Variants in AFF1 observed in about 807,000 individuals in gnomAD.
AFF1 encodes the protein ALF transcription elongation factor 1.
In AFF1, 48 loss-of-function variants were observed where a neutral mutation model predicts 121.7. The ratio of observed to expected loss-of-function variants is 0.39; its 90% CI spans 0.31 to 0.50. The LOEUF (loss-of-function observed/expected upper bound fraction) is 0.50, where lower values mean the gene tolerates loss of function less well. AFF1 is among the 20% of genes least tolerant of loss of function. The probability of loss-of-function intolerance (pLI) is 0.76; values close to 1 mark genes in which losing one functional copy is unlikely to be tolerated. For synonymous variants in AFF1, 613 were observed against 563.0 expected (o/e 1.09, Z -1.26); for missense variants, 1,523 against 1,511.7 (o/e 1.01, Z -0.12).
At chr4:87,034,668 G>GT (rs1729389574) in intron 2 of AFF1, among the ~76,000 whole-genome samples, 1 of 152,216 alleles carries the variant, frequency 6.6e-6, no homozygotes, top group South Asian at 2.1e-4. Flanking sequence ...AATAAAACAT[G>GT]TAACATTAAC....
chr4:87,060,306 A>G lies in AFF1; in HGVS notation c.1059+12712A>G, dbSNP rs912156795. Among the ~76,000 whole-genome samples the G allele has an allele frequency of 2.0e-5, 3 of 152,276 alleles. No individual in the cohort carries two copies. The East Asian group carries it at 5.8e-4, about 29-fold the overall frequency. On this transcript the variant is annotated intron_variant, in intron 4 of 20. Transcript: ENST00000395146. ...TGGAAGTTTTATGCATCTGTCTCAT[A>G]TATAGGTGCTTTCTTTTGTATTAAA...
chr4:87,063,297 T>A (rs1448583753), intron 4 of AFF1, among the ~76,000 whole-genome samples: 1 of 130,828 alleles, frequency 7.6e-6, no homozygotes, highest in Admixed American at 9.1e-5. Flanking sequence ...TGGAGTGCAA[T>A]GGCATGATCT....
At chr4:86,986,173 A>G (rs911745256) in intron 2 of AFF1, among the ~76,000 whole-genome samples, 3 of 151,940 alleles carry the variant, frequency 2.0e-5, no homozygotes, top group Admixed American at 2.0e-4. Flanking sequence ...CCTGGGTTCA[A>G]GCGATCTTGT....
intron 1 of AFF1, among the ~76,000 whole-genome samples, chr4:86,943,491 G>A (rs1281818467): frequency 6.6e-6 from 1 of 152,222 alleles, no homozygotes; most frequent in East Asian, 1.9e-4. Context: ...TCTGAACAGA[G>A]TAATTTTTCT....
At chr4:86,985,283 G>A (rs1037531793) in intron 2 of AFF1, among the ~76,000 whole-genome samples, 7 of 148,062 alleles carry the variant, frequency 4.7e-5, no homozygotes, top group African/African-American at 1.7e-4. Flanking sequence ...GGCCGAGGTG[G>A]GTGGATCACC....
At chr4:87,074,781 G>A (rs1478435863) in intron 4 of AFF1, among the ~76,000 whole-genome samples, 1 of 152,274 alleles carries the variant, frequency 6.6e-6, no homozygotes, top group Non-Finnish European at 1.5e-5. Context: ...GTGATCTCAG[G>A]ATATATAATG....
intron 4 of AFF1, among the ~76,000 whole-genome samples, chr4:87,071,411 C>T (rs952507426): frequency 1.3e-5 from 2 of 152,182 alleles, no homozygotes; most frequent in African/African-American, 4.8e-5. Flanking sequence ...CCAGCGCAGC[C>T]TGGTAGACAG....
At chr4:87,120,956 C>T (rs1488119844) in intron 12 of AFF1, among the ~76,000 whole-genome samples, 1 of 152,188 alleles carries the variant, frequency 6.6e-6, no homozygotes, top group Non-Finnish European at 1.5e-5. Flanking sequence ...TGGCCCCTTG[C>T]AAGCCCATGT....
At chr4:87,111,714 A>G (rs1403519132) in intron 11 of AFF1, among the ~76,000 whole-genome samples, 2 of 152,158 alleles carry the variant, frequency 1.3e-5, no homozygotes, top group Admixed American at 6.5e-5. Flanking sequence ...CACCCAAATA[A>G]TGTATCAAAT....
intron 4 of AFF1, among the ~76,000 whole-genome samples, chr4:87,067,116 G>C (rs1173893475): frequency 6.6e-6 from 1 of 152,182 alleles, no homozygotes; most frequent in Non-Finnish European, 1.5e-5. Context: ...TGAAATAAAA[G>C]TTTGGTTAAT....
intron 13 of AFF1, among the ~76,000 whole-genome samples, chr4:87,125,654 T>C (rs909815291): frequency 6.6e-6 from 1 of 152,194 alleles, no homozygotes. Flanking sequence ...GACGTAAATA[T>C]AACAAGCAGC....
Position 87,007,110 on chromosome 4 carries a change from G to A in AFF1, c.39-39056G>A, listed in dbSNP as rs1216259801. The A allele has an allele frequency of 4.0e-6, 5 of 1,263,038 alleles. No homozygotes were observed. The Admixed American group carries it at 1.6e-4, about 41-fold the overall frequency. 78.2% of individuals were successfully genotyped at this position (1,263,038 alleles called of 1,614,324 possible). A position where few individuals can be genotyped will look rare whatever the true frequency, so the allele number is the denominator to read the frequency against. On this transcript the variant is annotated intron_variant, in intron 2 of 20. Transcript: ENST00000395146. ...TCCCTTCTCAGAAACTGCGCCGGGGGCGCTCGCTTGCCCCGGATTCGGACG... is the reference window on the plus strand; with the variant it reads ...TCCCTTCTCAGAAACTGCGCCGGGGACGCTCGCTTGCCCCGGATTCGGACG...
intron 4 of AFF1, among the ~76,000 whole-genome samples, chr4:87,056,179 A>G (rs1007203642): frequency 3.3e-5 from 5 of 152,046 alleles, no homozygotes; most frequent in African/African-American, 7.2e-5. Context: ...TAATGTTTTA[A>G]TCTAGAGGCC....
Position 87,135,709 on chromosome 4 carries a change from C to A in AFF1, c.*8C>A. On this transcript the variant is annotated 3_prime_UTR_variant, in exon 21 of 21. Coordinates refer to ENST00000395146, the MANE Select transcript of AFF1 (RefSeq NM_001166693.3). ...TTAACCAAAACACCTTAATGGAGCC[C>A]CAGGTTGATTCAATGCCTTGGGAAC... 1 of 1,608,722 alleles carries A rather than the reference C, an allele frequency of 6.2e-7. No individual in the cohort carries two copies. The highest frequency in any genetic ancestry group is 8.5e-7 in the Non-Finnish European group (1 of 1,177,474).
intron 2 of AFF1, among the ~76,000 whole-genome samples, chr4:87,034,187 G>A (rs1243408092): frequency 1.3e-5 from 2 of 152,186 alleles, no homozygotes; most frequent in Admixed American, 1.3e-4. Context: ...CACAGAGCAT[G>A]CAAACGGGGA....
chr4:86,973,147 G>A (rs923883669), intron 2 of AFF1, among the ~76,000 whole-genome samples: 4 of 152,154 alleles, frequency 2.6e-5, no homozygotes, highest in Admixed American at 6.5e-5. Flanking sequence ...ACTGCTGCAC[G>A]GAGGCAGTGA....
At position 87,115,169 on chromosome 4, in the gene AFF1, G is replaced by C; in HGVS notation, c.2336G>C (p.Arg779Pro). 1 of 1,614,134 alleles carries C rather than the reference G, an allele frequency of 6.2e-7. No individual in the cohort carries two copies. The highest frequency in any genetic ancestry group is 8.5e-7 in the Non-Finnish European group (1 of 1,180,030). The change falls in exon 12 of 21, where the codon CGG becomes CCG. Residue 779 changes from arginine to proline, a missense_variant. This residue lies in a region of AFF1 where 905 missense variants were observed against 842.5 expected (regional missense o/e 1.07). Coordinates refer to ENST00000395146, the MANE Select transcript of AFF1 (RefSeq NM_001166693.3). Reference protein sequence around the residue: ...MVKITLDLLSRIPQPPGKGSR... With the variant: ...MVKITLDLLSPIPQPPGKGSR... ...AAGATCACCCTAGACCTGCTCTCTC[G>C]GATACCCCAGCCTCCCGGGAAGGGG...
intron 8 of AFF1, among the ~76,000 whole-genome samples, chr4:87,098,171 G>A (rs1041644455): frequency 6.6e-6 from 1 of 152,180 alleles, no homozygotes; most frequent in Non-Finnish European, 1.5e-5. Context: ...ATAAGCTTGC[G>A]AGTGGTCTGT....
intron 2 of AFF1, among the ~76,000 whole-genome samples, chr4:87,001,949 A>C (rs542035743): frequency 1.3e-5 from 2 of 152,332 alleles, no homozygotes; most frequent in South Asian, 4.1e-4. Flanking sequence ...ATGAAGTAGC[A>C]GTTCTTAGGG....
Sources: gnomAD v4.1 joint callset for allele counts (sites outside exome capture counted in the v4.1 genomes callset) on GRCh38, gnomAD v4.1.1 for gene constraint, gnomAD v4.1.1 regional missense constraint, MANE v1.5 for transcripts, NCBI Gene and HGNC (gene_info 2026-07-23, HGNC 2026-07-21) for gene names.